Variants in TNFSF4 observed in about 807,000 individuals in gnomAD.
TNFSF4 encodes the protein TNF superfamily member 4.
A neutral mutation model predicts 7.3 loss-of-function variants in TNFSF4; 4 were observed. That is an observed-to-expected ratio of 0.55 (90% confidence interval 0.27 to 1.25). The LOEUF (loss-of-function observed/expected upper bound fraction) is 1.25, where lower values mean the gene tolerates loss of function less well. Among genes scored for constraint, TNFSF4 ranks in the 50% most tolerant of loss-of-function variants. The pLI, the probability that TNFSF4 is intolerant of heterozygous loss-of-function variation, is 0.12. For missense variants in TNFSF4, 181 were observed against 208.8 expected (o/e 0.87, Z 0.82); for synonymous variants, 76 against 83.7 (o/e 0.91, Z 0.50).
the TNFSF4 span, among the ~76,000 whole-genome samples, chr1:173,450,229 T>A: frequency 7.9e-5 from 12 of 152,292 alleles, no homozygotes; most frequent in African/African-American, 2.2e-4. Flanking sequence ...GAAAAAAGTT[T>A]ATGTTAAAGC....
the TNFSF4 span, among the ~76,000 whole-genome samples, chr1:173,348,444 C>G: frequency 6.6e-6 from 1 of 152,158 alleles, no homozygotes; most frequent in Non-Finnish European, 1.5e-5. Flanking sequence ...ATTGCCCAAT[C>G]TCAGGTATGT....
chr1:173,174,061 G>A, the TNFSF4 span, among the ~76,000 whole-genome samples: 3 of 152,128 alleles, frequency 2.0e-5, no homozygotes, highest in African/African-American at 7.2e-5. Flanking sequence ...TTGCAGCTTA[G>A]AAATTTCCTC....
At chr1:173,384,862 T>C in the TNFSF4 span, among the ~76,000 whole-genome samples, 1 of 152,206 alleles carries the variant, frequency 6.6e-6, no homozygotes, top group Non-Finnish European at 1.5e-5. Flanking sequence ...TACTTACCTA[T>C]GTTAAATATA....
At chr1:173,272,252 G>A in the TNFSF4 span, among the ~76,000 whole-genome samples, 4 of 152,150 alleles carry the variant, frequency 2.6e-5, no homozygotes, top group Admixed American at 2.6e-4. Flanking sequence ...TAAATGACAA[G>A]TTAATGGGTG....
At chr1:173,384,332 G>A in the TNFSF4 span, among the ~76,000 whole-genome samples, 82 of 152,238 alleles carry the variant, frequency 5.4e-4, no homozygotes, top group Non-Finnish European at 8.5e-4. Context: ...AAATGAGATC[G>A]GGAGAAGCAG....
At chr1:173,254,018 A>G in the TNFSF4 span, among the ~76,000 whole-genome samples, 1 of 152,170 alleles carries the variant, frequency 6.6e-6, no homozygotes, top group Non-Finnish European at 1.5e-5. Context: ...TGTGTATAAG[A>G]TCTTAAACTC....
chr1:173,367,760 G>A, the TNFSF4 span, among the ~76,000 whole-genome samples: 1 of 152,130 alleles, frequency 6.6e-6, no homozygotes, highest in Admixed American at 6.6e-5. Flanking sequence ...CAGGGAAAAG[G>A]ATCATCAGAA....
chr1:173,429,473 G>A, the TNFSF4 span, among the ~76,000 whole-genome samples: 2 of 152,230 alleles, frequency 1.3e-5, no homozygotes, highest in African/African-American at 4.8e-5. Context: ...AGACAGAGAA[G>A]CTGAGAGGGG....
At chr1:173,336,756 G>A in the TNFSF4 span, among the ~76,000 whole-genome samples, 29 of 152,248 alleles carry the variant, frequency 1.9e-4, 2 homozygotes, top group East Asian at 5.2e-3. Flanking sequence ...CAGAGGGTGG[G>A]AAATAAATCC....
the TNFSF4 span, among the ~76,000 whole-genome samples, chr1:173,251,055 A>T: frequency 4.6e-5 from 7 of 152,300 alleles, no homozygotes; most frequent in South Asian, 1.5e-3. Context: ...GAAACTGGGG[A>T]TGGGGCTAAG....
At chr1:173,359,902 C>CA in the TNFSF4 span, among the ~76,000 whole-genome samples, 1 of 152,252 alleles carries the variant, frequency 6.6e-6, no homozygotes, top group Non-Finnish European at 1.5e-5. Flanking sequence ...TGCCTGGGCT[C>CA]AGAGGATTAA....
downstream of TNFSF4, among the ~76,000 whole-genome samples, chr1:173,179,219 A>G (rs967565509): frequency 1.3e-5 from 2 of 152,234 alleles, no homozygotes; most frequent in African/African-American, 4.8e-5. Context: ...GTCTGATGAT[A>G]ATATTTTTGC....
the TNFSF4 span, among the ~76,000 whole-genome samples, chr1:173,405,152 C>T: frequency 6.6e-6 from 1 of 152,174 alleles, no homozygotes; most frequent in Admixed American, 6.5e-5. Flanking sequence ...ACCTAAACAG[C>T]CAACGGCAAG....
At chr1:173,429,527 T>C in the TNFSF4 span, among the ~76,000 whole-genome samples, 1 of 152,180 alleles carries the variant, frequency 6.6e-6, no homozygotes, top group Non-Finnish European at 1.5e-5. Context: ...TCTCCATGGC[T>C]CTTGGAAACA....
the TNFSF4 span, among the ~76,000 whole-genome samples, chr1:173,371,230 C>T: frequency 6.6e-6 from 1 of 152,202 alleles, no homozygotes; most frequent in Non-Finnish European, 1.5e-5. Context: ...CTGAGGAATC[C>T]TGGGACAGCC....
the TNFSF4 span, chr1:173,174,561 G>C: frequency 6.6e-6 from 1 of 152,310 alleles, no homozygotes; most frequent in African/African-American, 2.4e-5. Flanking sequence ...GGCAGGGGAA[G>C]CAAACGTGTC....
chr1:173,207,401 G>T, upstream of TNFSF4: 1 of 407,746 alleles, frequency 2.5e-6, no homozygotes, highest in Non-Finnish European at 4.4e-6. Flanking sequence ...ACTTCTTTGT[G>T]ACTAATCTGA....
At chr1:173,315,436 A>C in the TNFSF4 span, among the ~76,000 whole-genome samples, 1 of 152,190 alleles carries the variant, frequency 6.6e-6, no homozygotes, top group Non-Finnish European at 1.5e-5. Flanking sequence ...ATATCAGATA[A>C]AAAAATCACA....
At chr1:173,437,748 T>A in the TNFSF4 span, among the ~76,000 whole-genome samples, 8 of 152,196 alleles carry the variant, frequency 5.3e-5, no homozygotes, top group Non-Finnish European at 5.9e-5. Flanking sequence ...GTTCCATCTA[T>A]ATACAGTCCA....
Sources: allele counts gnomAD v4.1 joint callset (sites outside exome capture counted in the v4.1 genomes callset), GRCh38; gene constraint gnomAD v4.1.1; transcripts MANE v1.5; gene names NCBI Gene and HGNC (gene_info 2026-07-23, HGNC 2026-07-21).